OR51C1: variants seen among roughly 807,000 people sequenced by gnomAD.
The protein encoded by OR51C1 is olfactory receptor OR51C1.
the OR51C1 span, among the ~76,000 whole-genome samples, chr11:4,694,025 T>C: frequency 6.6e-6 from 1 of 152,232 alleles, no homozygotes; most frequent in African/African-American, 2.4e-5. Context: ...TTCATGATTT[T>C]TAGTTCCTAC....
chr11:4,692,307 T>G, the OR51C1 span: 5 of 305,006 alleles, frequency 1.6e-5, no homozygotes, highest in South Asian at 1.2e-4. Context: ...CCTTACAATA[T>G]GATACCCGGC....
the OR51C1 span, chr11:4,691,596 A>T: frequency 2.2e-6 from 1 of 455,780 alleles, no homozygotes; most frequent in Non-Finnish European, 4.4e-6. Context: ...AGTTACAGAG[A>T]GGAAGCAGAA....
At chr11:4,694,337 A>G in the OR51C1 span, among the ~76,000 whole-genome samples, 1 of 151,898 alleles carries the variant, frequency 6.6e-6, no homozygotes, top group Admixed American at 6.6e-5. Flanking sequence ...CTTTACAAGC[A>G]TATCTTCCTG....
At chr11:4,690,883 C>T in the OR51C1 span, 1 of 456,476 alleles carries the variant, frequency 2.2e-6, no homozygotes, top group Non-Finnish European at 4.4e-6. Flanking sequence ...ATAGTATGTA[C>T]ATAGGCTGGG....
At chr11:4,696,669 G>A in the OR51C1 span, among the ~76,000 whole-genome samples, 3 of 152,026 alleles carry the variant, frequency 2.0e-5, no homozygotes, top group Admixed American at 6.6e-5. Context: ...GAATCTTTCC[G>A]ACCCATCCTC....
chr11:4,692,893 A>G, the OR51C1 span, among the ~76,000 whole-genome samples: 1 of 152,140 alleles, frequency 6.6e-6, no homozygotes, highest in Admixed American at 6.5e-5. Flanking sequence ...AACTAAAATT[A>G]ACAGAAAACT....
the OR51C1 span, among the ~76,000 whole-genome samples, chr11:4,696,465 A>T: frequency 6.6e-6 from 1 of 152,182 alleles, no homozygotes; most frequent in African/African-American, 2.4e-5. Flanking sequence ...AAAGATGAGA[A>T]CCTCGGGAGG....
At chr11:4,694,115 G>A in the OR51C1 span, among the ~76,000 whole-genome samples, 2 of 152,048 alleles carry the variant, frequency 1.3e-5, no homozygotes, top group Non-Finnish European at 2.9e-5. Flanking sequence ...ATTGCTATTT[G>A]AATAATTTCT....
chr11:4,696,679 CTCCAA>C, the OR51C1 span, among the ~76,000 whole-genome samples: 1 of 152,196 alleles, frequency 6.6e-6, no homozygotes, highest in Non-Finnish European at 1.5e-5. Context: ...GACCCATCCT[CTCCAA>C]TCCATATATA....
the OR51C1 span, chr11:4,691,332 C>T: frequency 1.2e-3 from 570 of 457,570 alleles, 1 homozygote; most frequent in Non-Finnish European, 2.2e-3. Flanking sequence ...GGCCACAAAA[C>T]GATCAAAAGC....
At chr11:4,694,896 G>C in the OR51C1 span, among the ~76,000 whole-genome samples, 318 of 152,236 alleles carry the variant, frequency 2.1e-3, 1 homozygote, top group African/African-American at 7.2e-3. Context: ...CTTTATAACT[G>C]TGTGAAGTTT....
the OR51C1 span, chr11:4,691,279 T>C: frequency 4.4e-6 from 2 of 457,188 alleles, no homozygotes; most frequent in Non-Finnish European, 8.8e-6. Flanking sequence ...TGAGCTATTC[T>C]GGAGTCAGTT....
At chr11:4,692,309 A>G in the OR51C1 span, 1 of 302,630 alleles carries the variant, frequency 3.3e-6, no homozygotes, top group African/African-American at 2.2e-5. Flanking sequence ...TTACAATATG[A>G]TACCCGGCAT....
chr11:4,693,643 C>T, the OR51C1 span, among the ~76,000 whole-genome samples: 1 of 152,082 alleles, frequency 6.6e-6, no homozygotes, highest in Non-Finnish European at 1.5e-5. Flanking sequence ...ATGGAGTGAA[C>T]CTGGAAGGCG....
the OR51C1 span, among the ~76,000 whole-genome samples, chr11:4,693,001 C>T: frequency 6.6e-6 from 1 of 151,784 alleles, no homozygotes; most frequent in East Asian, 1.9e-4. Flanking sequence ...TGTCCTCAGG[C>T]GAGTGATGAA....
the OR51C1 span, among the ~76,000 whole-genome samples, chr11:4,697,475 C>T: frequency 2.4e-4 from 36 of 152,306 alleles, no homozygotes; most frequent in African/African-American, 7.9e-4. Flanking sequence ...GAACGAAATA[C>T]CCATTCTCTA....
the OR51C1 span, among the ~76,000 whole-genome samples, chr11:4,696,723 T>A: frequency 6.6e-6 from 1 of 152,160 alleles, no homozygotes; most frequent in East Asian, 1.9e-4. Context: ...TGAAATAAGC[T>A]ATATTCTCTC....
the OR51C1 span, among the ~76,000 whole-genome samples, chr11:4,693,503 C>T: frequency 6.6e-5 from 10 of 152,094 alleles, no homozygotes; most frequent in Non-Finnish European, 1.3e-4. Context: ...GGGCGGATCA[C>T]GAGGTCAGGA....
the OR51C1 span, chr11:4,692,296 C>T: frequency 1.9e-5 from 6 of 317,620 alleles, no homozygotes; most frequent in Non-Finnish European, 3.2e-5. Context: ...ATTAAAGAAA[C>T]CCTTACAATA....
Sources: allele counts gnomAD v4.1 joint callset (sites outside exome capture counted in the v4.1 genomes callset), GRCh38; gene constraint gnomAD v4.1.1; transcripts MANE v1.5; gene names NCBI Gene and HGNC (gene_info 2026-07-23, HGNC 2026-07-21).